DDX46: variants seen among roughly 807,000 people sequenced by gnomAD.
DDX46 encodes the protein DEAD-box helicase 46.
Under a neutral mutation model 134.9 loss-of-function variants are expected in DDX46, and 30 were observed. That is an observed-to-expected ratio of 0.22 (90% CI 0.17 to 0.30). The LOEUF (loss-of-function observed/expected upper bound fraction) is 0.30. Among genes scored for constraint, DDX46 ranks in the 10% least tolerant of loss-of-function variants. The pLI, the probability that DDX46 is intolerant of heterozygous loss-of-function variation, is 1.00. For synonymous variants in DDX46, 415 were observed against 404.1 expected (o/e 1.03, Z -0.32); for missense variants, 622 against 1,248.7 (o/e 0.50, Z 7.56).
At chr5:134,772,850 G>A (rs945847013) in intron 4 of DDX46, among the ~76,000 whole-genome samples, 8 of 152,082 alleles carry the variant, frequency 5.3e-5, no homozygotes, top group African/African-American at 1.2e-4. Context: ...TGCTGAGGCC[G>A]GAGTACAATG....
intron 1 of DDX46, among the ~76,000 whole-genome samples, 176 bp from the exon 2 acceptor site, chr5:134,763,728 A>C (rs1002897957): frequency 2.0e-5 from 3 of 152,116 alleles, no homozygotes; most frequent in African/African-American, 7.2e-5. Context: ...CCACCTCTAC[A>C]TGTGTCTGTG....
intron 15 of DDX46, among the ~76,000 whole-genome samples, chr5:134,803,687 G>C (rs761607865): frequency 6.6e-6 from 1 of 152,084 alleles, no homozygotes; most frequent in Non-Finnish European, 1.5e-5. Flanking sequence ...GTGTCTTTAC[G>C]TAGTTGCTCT....
intron 12 of DDX46, chr5:134,790,018 T>C (rs998382279): frequency 1.1e-5 from 5 of 454,978 alleles, no homozygotes; most frequent in African/African-American, 2.0e-5. Context: ...TAAAATAATA[T>C]AGAGAGACAT....
intron 15 of DDX46, among the ~76,000 whole-genome samples, chr5:134,807,129 C>T (rs1463186839): frequency 1.3e-5 from 2 of 148,752 alleles, no homozygotes; most frequent in South Asian, 2.1e-4. Context: ...TCTCGGCTCA[C>T]GGCAACCTTT....
intron 15 of DDX46, among the ~76,000 whole-genome samples, chr5:134,799,061 T>C (rs895830820): frequency 1.3e-5 from 2 of 152,194 alleles, no homozygotes; most frequent in African/African-American, 4.8e-5. Context: ...GTAGGTAATA[T>C]GGGCTTACTA....
chr5:134,824,575 G>C (rs1485084265), intron 21 of DDX46, among the ~76,000 whole-genome samples: 1 of 151,822 alleles, frequency 6.6e-6, no homozygotes, highest in Non-Finnish European at 1.5e-5. Context: ...GCGAAACTCT[G>C]TCTCAAAAAA....
intron 3 of DDX46, 85 bp from the exon 4 acceptor site, chr5:134,770,818 A>C: frequency 1.4e-6 from 1 of 703,746 alleles, no homozygotes. Flanking sequence ...CACTGTCTCA[A>C]AAAAAAAAAA....
At chr5:134,796,560 C>G (rs1754657692) in intron 15 of DDX46, among the ~76,000 whole-genome samples, 1 of 152,124 alleles carries the variant, frequency 6.6e-6, no homozygotes, top group Non-Finnish European at 1.5e-5. Flanking sequence ...GGAACTAGAA[C>G]ACAAAACACA....
At chr5:134,773,324 G>A (rs1580778962) in intron 4 of DDX46, among the ~76,000 whole-genome samples, 1 of 152,142 alleles carries the variant, frequency 6.6e-6, no homozygotes, top group East Asian at 1.9e-4. Context: ...GAGGCGTTTA[G>A]GGGATTAAAA....
chr5:134,783,087 A>G (rs2150141431), intron 9 of DDX46, 22 bp downstream of exon 9: 1 of 1,610,522 alleles, frequency 6.2e-7, no homozygotes, highest in Non-Finnish European at 8.5e-7. Context: ...GTGGTTGTTT[A>G]TGTTTTCCGT....
At chr5:134,796,276 C>G (rs1754650907) in intron 15 of DDX46, 126 bp downstream of exon 15, 1 of 989,044 alleles carries the variant, frequency 1.0e-6, no homozygotes, top group Non-Finnish European at 1.5e-6. Flanking sequence ...AGTTTTTACT[C>G]TAAAGTGCTT....
At chr5:134,764,381 C>G (rs1323183726) in intron 2 of DDX46, among the ~76,000 whole-genome samples, 1 of 151,744 alleles carries the variant, frequency 6.6e-6, no homozygotes, top group African/African-American at 2.4e-5. Context: ...CTCCTGGGTT[C>G]AAGCGATTCT....
At chr5:134,781,856 A>G in intron 7 of DDX46, 65 bp from the exon 8 acceptor site, 5 of 1,453,764 alleles carry the variant, frequency 3.4e-6, no homozygotes, top group Non-Finnish European at 4.7e-6. Flanking sequence ...AGCTAGGAGT[A>G]TTGCTTCCCA....
intron 20 of DDX46, among the ~76,000 whole-genome samples, chr5:134,818,005 A>G (rs1280254675): frequency 6.6e-6 from 1 of 150,472 alleles, no homozygotes; most frequent in East Asian, 2.0e-4. Flanking sequence ...GCTGGGGTAC[A>G]ATGGTGCGAT....
At position 134,777,711 on chromosome 5, in the gene DDX46, G is replaced by C. The variant is rs891800514; in HGVS notation, c.751G>C (p.Gly251Arg). ...KFNMRSVKGG[G>R]GNEKKSGPTV... ...TAACATGAGAAGTGTAAAAGGTGGT[G>C]GGGGAAATGAAAAGGTATGGAATTT... Residue 251 changes from glycine (G) to arginine (R), a missense_variant, in exon 6 of 23, where the codon GGG becomes CGG. Around this residue, in one of 8 missense-constraint regions of DDX46, gnomAD observed 244 missense variants for 349.3 expected, o/e 0.70. Coordinates refer to ENST00000452510, the MANE Select transcript of DDX46 (RefSeq NM_001300860.2). 1 of 1,602,010 alleles carries C rather than the reference G, an allele frequency of 6.2e-7. No individual in the cohort carries two copies. The highest frequency in any genetic ancestry group is 8.5e-7 in the Non-Finnish European group (1 of 1,177,294).
intron 16 of DDX46, 37 bp from the exon 17 acceptor site, chr5:134,811,184 T>C (rs1454503019): frequency 6.3e-7 from 1 of 1,596,642 alleles, no homozygotes; most frequent in African/African-American, 1.3e-5. Flanking sequence ...TCCATCTTGT[T>C]AGTGTCTAAT....
At chr5:134,764,544 A>G (rs1753498534) in intron 2 of DDX46, among the ~76,000 whole-genome samples, 1 of 152,080 alleles carries the variant, frequency 6.6e-6, no homozygotes, top group African/African-American at 2.4e-5. Flanking sequence ...TGGCCTCCCA[A>G]AGTGCTGGGA....
rs2150166402 is a variant in DDX46, at chr5:134,830,277, T to C, written c.*1571T>C. 1 of 152,260 alleles carries C rather than the reference T, an allele frequency of 6.6e-6. No homozygotes were observed. The highest frequency in any genetic ancestry group is 2.4e-5 in the African/African-American group (1 of 41,552). The allele number at this position is 152,260 out of a possible 1,614,324, so 9.4% of individuals were successfully genotyped here. Reference sequence around the variant, plus strand: ...ATTGTGTTAGGTATTTTAAGTAATTTAAAGGTTACAGTATACAGGCGGTTA... The same window carrying C: ...ATTGTGTTAGGTATTTTAAGTAATTCAAAGGTTACAGTATACAGGCGGTTA... On this transcript the variant is annotated 3_prime_UTR_variant, in exon 23 of 23. Transcript: ENST00000452510.
intron 10 of DDX46, 121 bp from the exon 11 acceptor site, chr5:134,785,344 C>A: frequency 8.2e-7 from 1 of 1,223,974 alleles, no homozygotes; most frequent in Non-Finnish European, 1.1e-6. Flanking sequence ...TTCAGGGATG[C>A]ATAACAAAAC....
Sources: allele counts gnomAD v4.1 joint callset (sites outside exome capture counted in the v4.1 genomes callset), GRCh38; gene constraint gnomAD v4.1.1; regional missense constraint gnomAD v4.1.1; transcripts MANE v1.5; gene names NCBI Gene and HGNC (gene_info 2026-07-23, HGNC 2026-07-21).